Variants in STAG2 observed in about 807,000 individuals in gnomAD.
STAG2 encodes cohesin subunit SA-2.
STAG2 carries 14 observed loss-of-function variants against 108.1 expected under a neutral mutation model. The observed-to-expected ratio is 0.13, with a 90% CI of 0.09 to 0.20. STAG2 has a LOEUF of 0.20. Ranked by LOEUF, STAG2 falls within the 10% of genes least tolerant of loss-of-function variation. The pLI is 1.00. For synonymous variants in STAG2, 307 were observed against 302.7 expected (o/e 1.01, Z -0.15); for missense variants, 440 against 940.9 (o/e 0.47, Z 6.96).
upstream of STAG2, chrX:123,961,657 C>A (rs764360876): frequency 9.6e-6 from 1 of 103,998 alleles, no homozygotes; most frequent in Non-Finnish European, 2.0e-5. Flanking sequence ...CCTCGTGCCC[C>A]CTCCCTTCTC....
intron 1 of STAG2, among the ~76,000 whole-genome samples, chrX:123,990,321 A>G (rs764946081): frequency 1.8e-5 from 2 of 111,922 alleles, no homozygotes; most frequent in African/African-American, 3.2e-5. Flanking sequence ...TTACGCTCCT[A>G]TGCAAACTTT....
intron 1 of STAG2, among the ~76,000 whole-genome samples, chrX:124,005,360 T>C (rs2056235160): frequency 9.0e-6 from 1 of 111,434 alleles, no homozygotes; most frequent in Admixed American, 9.6e-5. Context: ...TGGATAGGTG[T>C]AAGCACTACC....
intron 20 of STAG2, among the ~76,000 whole-genome samples, chrX:124,064,589 G>A (rs769023023): frequency 1.0e-4 from 11 of 109,757 alleles, no homozygotes; most frequent in African/African-American, 3.3e-4. Context: ...GACTATAGGC[G>A]TGTGCCACTG....
chrX:124,048,957 T>C (rs750124224), intron 9 of STAG2, 48 bp from the exon 10 acceptor site: 2 of 1,053,609 alleles, frequency 1.9e-6, no homozygotes, highest in African/African-American at 3.7e-5. Flanking sequence ...GGTGTTCATT[T>C]GGTTGTCTTC....
chrX:124,051,369 A>G lies in STAG2; in HGVS notation c.1171A>G (p.Ile391Val), dbSNP rs1163513953. Reference protein sequence around the residue: ...DKEYDVAVQAIKLLTLVLQSS... With the variant: ...DKEYDVAVQAVKLLTLVLQSS... ...AGAATATGATGTTGCAGTACAAGCA[A>G]TAAAATTACTCACTCTTGTTTTACA... Residue 391 changes from isoleucine to valine, a missense_variant, in exon 13 of 35, where the codon ATA (isoleucine) becomes GTA (valine). Transcript: ENST00000371145. The G allele has an allele frequency of 8.3e-7, 1 of 1,198,928 alleles. No homozygotes were observed. Among genetic ancestry groups the G allele is most frequent in the Admixed American group, 2.2e-5 (1 of 45,272 alleles).
intron 10 of STAG2, among the ~76,000 whole-genome samples, chrX:124,049,714 T>C (rs997494623): frequency 2.5e-4 from 28 of 112,323 alleles, no homozygotes; most frequent in African/African-American, 8.4e-4. Context: ...TGCCAAAATA[T>C]CCTTTTATTG....
At chrX:123,972,219 G>GTT (rs561069110) in intron 1 of STAG2, among the ~76,000 whole-genome samples, 3 of 99,503 alleles carry the variant, frequency 3.0e-5, no homozygotes, top group African/African-American at 3.6e-5. Flanking sequence ...AGTAATTTGT[G>GTT]TTTTTTTTTT....
intron 1 of STAG2, among the ~76,000 whole-genome samples, chrX:123,987,406 G>T (rs1054044253): frequency 1.8e-5 from 2 of 110,991 alleles, no homozygotes; most frequent in African/African-American, 6.6e-5. Flanking sequence ...GCACCACCAT[G>T]CCCGGCTAAT....
chrX:124,038,170 A>C (rs1167355756), intron 6 of STAG2, among the ~76,000 whole-genome samples: 1 of 112,224 alleles, frequency 8.9e-6, no homozygotes, highest in East Asian at 2.8e-4. Flanking sequence ...TTGAACTGGG[A>C]AAGATGAAAG....
At chrX:124,041,140 C>T (rs1391915511) in intron 6 of STAG2, among the ~76,000 whole-genome samples, 4 of 109,428 alleles carry the variant, frequency 3.7e-5, no homozygotes, top group African/African-American at 1.3e-4. Context: ...CATGAGCCAC[C>T]GCACCCGGCC....
At chrX:124,076,947 C>T (rs1216717900) in intron 26 of STAG2, among the ~76,000 whole-genome samples, 2 of 110,460 alleles carry the variant, frequency 1.8e-5, no homozygotes, top group Non-Finnish European at 3.8e-5. Context: ...ATTTGATTAA[C>T]CATAGGTTAT....
intron 25 of STAG2, among the ~76,000 whole-genome samples, chrX:124,071,567 C>CCTCA (rs2058665254): frequency 9.0e-6 from 1 of 111,559 alleles, no homozygotes; most frequent in South Asian, 3.7e-4. Flanking sequence ...TTTCTAATTT[C>CCTCA]TAACTACCTC....
At chrX:124,003,938 G>T (rs1392952965) in intron 1 of STAG2, among the ~76,000 whole-genome samples, 6 of 111,214 alleles carry the variant, frequency 5.4e-5, no homozygotes, top group African/African-American at 2.0e-4. Flanking sequence ...TTAAAAATCA[G>T]TTTATATTGA....
Position 124,061,783 on chromosome X carries a change from G to A in STAG2, c.1547G>A (p.Arg516Lys), listed in dbSNP as rs756013111. The A allele has an allele frequency of 5.7e-6, 5 of 881,750 alleles. No individual in the cohort carries two copies. Among genetic ancestry groups the A allele is most frequent in the Non-Finnish European group, 7.9e-6 (5 of 630,002 alleles). The allele number at this position is 881,750 out of a possible 1,213,427, so 72.7% of individuals were successfully genotyped here. The change falls in exon 17 of 35, where the codon AGG (arginine) becomes AAG (lysine). Residue 516 changes from arginine to lysine, a missense_variant. Coordinates refer to ENST00000371145, the MANE Select transcript of STAG2 (RefSeq NM_001042750.2). The part of the protein sequence containing the change: ...PLSGEEALTD[R>K]QESALIEIML... ...TTTTTTTTTTTAGCACTAACAGATA[G>A]GCAAGAGAGTGCTCTGATTGAAATA...
chrX:124,085,933 C>T (rs772232827), intron 29 of STAG2, among the ~76,000 whole-genome samples: 31 of 111,306 alleles, frequency 2.8e-4, no homozygotes, highest in African/African-American at 9.5e-4. Flanking sequence ...ATTTGAATTG[C>T]ACTTTACAGT....
chrX:124,098,016 A>AT (rs964162403), intron 34 of STAG2, among the ~76,000 whole-genome samples: 5 of 109,080 alleles, frequency 4.6e-5, no homozygotes, highest in African/African-American at 1.7e-4. Flanking sequence ...TACATACTAG[A>AT]TTTGCAAAAA....
intron 1 of STAG2, among the ~76,000 whole-genome samples, chrX:123,992,811 G>T (rs1383672565): frequency 9.0e-6 from 1 of 110,932 alleles, no homozygotes; most frequent in Non-Finnish European, 1.9e-5. Context: ...AAGTGCTGGG[G>T]TTACAGGCGT....
chrX:124,083,310 C>A, intron 28 of STAG2, 111 bp from the exon 29 acceptor site: 1 of 591,260 alleles, frequency 1.7e-6, no homozygotes. Context: ...TTCTATTCCT[C>A]AAATTAAAAG....
chrX:124,036,291 C>G (rs1330582787), intron 5 of STAG2, among the ~76,000 whole-genome samples: 2 of 112,027 alleles, frequency 1.8e-5, no homozygotes, highest in African/African-American at 6.5e-5. Context: ...AAACATTTCC[C>G]TCTCCCAACC....
Sources: gnomAD v4.1 joint callset for allele counts (sites outside exome capture counted in the v4.1 genomes callset) on GRCh38, gnomAD v4.1.1 for gene constraint, MANE v1.5 for transcripts, NCBI Gene and HGNC (gene_info 2026-07-23, HGNC 2026-07-21) for gene names.